The following ZNF346 variants were observed in gnomAD, a reference collection of about 807,000 sequenced individuals.
ZNF346 encodes the protein zinc finger protein 346, also known as double-stranded RNA-binding zinc finger protein JAZ.
ZNF346 carries 23 observed loss-of-function variants against 33.7 expected under a neutral mutation model. The ratio of observed to expected loss-of-function variants is 0.68; its 90% CI spans 0.49 to 0.97. The LOEUF is 0.97. Ranked by LOEUF, ZNF346 falls within the 50% of genes least tolerant of loss-of-function variation. The pLI is 0.00. For missense variants in ZNF346, 340 were observed against 371.1 expected, an observed-to-expected ratio of 0.92 and a Z score of 0.69; for synonymous variants, 134 against 142.4, an observed-to-expected ratio of 0.94 and a Z score of 0.42.
chr5:177,050,121 A>C (rs566465555), intron 4 of ZNF346, among the ~76,000 whole-genome samples: 4 of 152,308 alleles, frequency 2.6e-5, no homozygotes, highest in African/African-American at 9.6e-5. Context: ...AGATGTGAGC[A>C]AAACGCATAA....
rs913274481 is a variant in ZNF346, at chr5:177,077,203, T to C, written c.*3-2179T>C. Among the ~76,000 whole-genome samples, 3 of 152,270 alleles carry C rather than the reference T, an allele frequency of 2.0e-5. No individual in the cohort carries two copies. Among genetic ancestry groups the C allele is most frequent in the African/African-American group, 7.2e-5 (3 of 41,552 alleles). The stretch of plus-strand genomic sequence containing the variant: ...GTCTTTTTCCTAAAAGCCATGGAAA[T>C]TTATTAAAAGGTTTTAAACAAATAG... On this transcript the variant is annotated intron_variant, in intron 8 of 8. Transcript: ENST00000503039. This position sits in a 1 kb window ranked among gnomAD's most constrained non-coding sequence, Gnocchi z 5.0.
chr5:177,055,905 GTC>G (rs1433786719), intron 5 of ZNF346, among the ~76,000 whole-genome samples: 3 of 151,904 alleles, frequency 2.0e-5, no homozygotes, highest in Non-Finnish European at 4.4e-5. Context: ...GAGAAACCCC[GTC>G]TCTATTAAAA....
downstream of ZNF346, among the ~76,000 whole-genome samples, chr5:177,068,754 G>A (rs986108992): frequency 2.1e-5 from 3 of 142,616 alleles, 1 homozygote; most frequent in East Asian, 1.9e-4. Context: ...AGGTTGTAGG[G>A]CTCTTTCCAG....
At chr5:177,046,943 A>G (rs941195316) in intron 4 of ZNF346, among the ~76,000 whole-genome samples, 9 of 152,182 alleles carry the variant, frequency 5.9e-5, no homozygotes, top group African/African-American at 1.2e-4. Context: ...CAAGAGAGAA[A>G]TACTGTTAAT....
At chr5:177,022,967 G>C in intron 1 of ZNF346, 54 bp downstream of exon 1, 1 of 1,442,338 alleles carries the variant, frequency 6.9e-7, no homozygotes, top group Non-Finnish European at 9.1e-7. Flanking sequence ...GCGGCTCGCG[G>C]GGAACTGCGG....
At chr5:177,063,242 C>T (rs528237513) in intron 6 of ZNF346, among the ~76,000 whole-genome samples, 5 of 152,294 alleles carry the variant, frequency 3.3e-5, no homozygotes, top group African/African-American at 9.6e-5. Flanking sequence ...TCCCATTTTA[C>T]AGACAAGGAA....
rs1232526452 is a variant in ZNF346 at position 177,077,856 on chromosome 5, G to C, written c.*3-1526G>C. Among the ~76,000 whole-genome samples, 4 of 152,130 alleles carry C rather than the reference G, an allele frequency of 2.6e-5. No homozygotes were observed. Among genetic ancestry groups the C allele is most frequent in the Non-Finnish European group, 5.9e-5 (4 of 68,020 alleles). On this transcript the variant is annotated intron_variant, in intron 8 of 8. Transcript: ENST00000503039. This position sits in a 1 kb window ranked among gnomAD's most constrained non-coding sequence, Gnocchi z 5.0. ...GGCCAGGAGGGATCTGAAAGAAAAA[G>C]GAATGCCTGGCCAGGCGCGGTGGCT...
At chr5:177,074,388 T>G (rs1341467721) in intron 8 of ZNF346, among the ~76,000 whole-genome samples, 1 of 152,206 alleles carries the variant, frequency 6.6e-6, no homozygotes, top group East Asian at 1.9e-4. Flanking sequence ...GTTAGTGGCC[T>G]TCTTTGTCAC....
Position 177,077,790 on chromosome 5 carries a change from T to C in ZNF346, c.*3-1592T>C, listed in dbSNP as rs1581992569. ...CATCAAGAAAAGTTTGAGGGGTCGT[T>C]ACCAGAGAGAGGAAAAGGGTTTTAA... On this transcript the variant is annotated intron_variant, in intron 8 of 8. Coordinates refer to the ZNF346 transcript ENST00000503039. This position sits in a 1 kb window ranked among gnomAD's most constrained non-coding sequence, Gnocchi z 5.0. 6.6e-6 allele frequency among the ~76,000 whole-genome samples: 1 copy of C among 152,108 alleles called. No homozygotes were observed. Among genetic ancestry groups the C allele is most frequent in the East Asian group, 1.9e-4 (1 of 5,202 alleles).
chr5:177,071,690 A>G (rs1783513076), downstream of ZNF346, among the ~76,000 whole-genome samples: 1 of 110,392 alleles, frequency 9.1e-6, no homozygotes, highest in African/African-American at 5.2e-5. Context: ...GTCTCAAAAA[A>G]AAAAAAAGAA....
intron 1 of ZNF346, among the ~76,000 whole-genome samples, chr5:177,039,330 G>A (rs1358226697): frequency 1.3e-5 from 2 of 152,128 alleles, no homozygotes; most frequent in African/African-American, 4.8e-5. Context: ...AATAAAAAGA[G>A]ATCATTAGGG....
Position 177,067,946 on chromosome 5 carries a change from A to G in ZNF346, c.*3347A>G, listed in dbSNP as rs1783313419. 6.6e-6 allele frequency among the ~76,000 whole-genome samples: 1 copy of G among 152,200 alleles called. No individual in the cohort carries two copies. Among genetic ancestry groups the G allele is most frequent in the African/African-American group, 2.4e-5 (1 of 41,450 alleles). Reference sequence around the variant, plus strand: ...GTGGTGAAATCCCATCTCTACAAAAAATAAAAAATAAAATAAATAAAAACC... The same window carrying G: ...GTGGTGAAATCCCATCTCTACAAAAGATAAAAAATAAAATAAATAAAAACC... On this transcript the variant is annotated 3_prime_UTR_variant, in exon 7 of 7. Transcript: ENST00000358149.
At chr5:177,057,835 T>G (rs1450429381) in intron 5 of ZNF346, among the ~76,000 whole-genome samples, 2 of 150,520 alleles carry the variant, frequency 1.3e-5, no homozygotes, top group Admixed American at 6.6e-5. Flanking sequence ...TTTATTTATT[T>G]ATTGAGACAG....
intron 8 of ZNF346, among the ~76,000 whole-genome samples, chr5:177,075,727 C>T (rs1403860075): frequency 6.6e-6 from 1 of 151,908 alleles, no homozygotes; most frequent in Admixed American, 6.6e-5. Flanking sequence ...TCTCTTGTCG[C>T]CCAGGCTAGA....
intron 1 of ZNF346, 32 bp downstream of exon 1, chr5:177,022,945 C>T: frequency 6.9e-7 from 1 of 1,448,440 alleles, no homozygotes; most frequent in Non-Finnish European, 9.1e-7. Context: ...CAGAAAGCCC[C>T]TCGCCCGCTG....
At chr5:177,076,066 C>T (rs1783732943) in intron 8 of ZNF346, among the ~76,000 whole-genome samples, 1 of 152,234 alleles carries the variant, frequency 6.6e-6, no homozygotes, top group African/African-American at 2.4e-5. Context: ...CCTCCTCGCT[C>T]AGCCTCCTGA....
At chr5:177,072,629 T>C (rs1783559828), downstream of ZNF346, among the ~76,000 whole-genome samples, 5 of 152,154 alleles carry the variant, frequency 3.3e-5, no homozygotes, top group African/African-American at 9.7e-5. Context: ...GCAGGCAGAT[T>C]ACTTGAAGTC....
intron 6 of ZNF346, among the ~76,000 whole-genome samples, chr5:177,063,319 T>C (rs1782773793): frequency 6.6e-6 from 1 of 152,232 alleles, no homozygotes. Flanking sequence ...TTTGCTTTGC[T>C]CATTGAGCTG....
chr5:177,045,263 A>ATAT (rs1779878284), intron 4 of ZNF346, among the ~76,000 whole-genome samples: 1 of 152,172 alleles, frequency 6.6e-6, no homozygotes, highest in Non-Finnish European at 1.5e-5. Flanking sequence ...TTGGACCAAG[A>ATAT]AGTAGACTAC....
Sources: allele counts gnomAD v4.1 joint callset (sites outside exome capture counted in the v4.1 genomes callset), GRCh38; gene constraint gnomAD v4.1.1; non-coding constraint Gnocchi (gnomAD v3.1); transcripts MANE v1.5; gene names NCBI Gene and HGNC (gene_info 2026-07-23, HGNC 2026-07-21).